Variants in RABGEF1 observed in about 807,000 individuals in gnomAD.
The protein encoded by RABGEF1 is RAB guanine nucleotide exchange factor 1, also known as rab5 GDP/GTP exchange factor.
Under a neutral mutation model 57.3 loss-of-function variants are expected in RABGEF1, and 26 were observed. The observed-to-expected ratio is 0.45, with a 90% CI of 0.33 to 0.63. The LOEUF (loss-of-function observed/expected upper bound fraction) is 0.63, where lower values mean the gene tolerates loss of function less well. RABGEF1 is among the 20% of genes least tolerant of loss of function. RABGEF1 has a pLI of 0.02. For synonymous variants in RABGEF1, 185 were observed against 210.7 expected (o/e 0.88, Z 1.06); for missense variants, 464 against 607.6 (o/e 0.76, Z 2.48).
At chr7:66,795,732 G>C (rs1813873257) in intron 5 of RABGEF1, 140 bp downstream of exon 5, 1 of 773,770 alleles carries the variant, frequency 1.3e-6, no homozygotes, top group African/African-American at 1.7e-5. Flanking sequence ...CTGGGAACTG[G>C]TCTTATACTT....
chr7:66,760,736 C>A (rs1376326198), intron 1 of RABGEF1, among the ~76,000 whole-genome samples: 2 of 151,622 alleles, frequency 1.3e-5, no homozygotes, highest in African/African-American at 4.8e-5. Flanking sequence ...GCCACCGCAC[C>A]CAGCCAGCAT....
At chr7:66,735,940 AT>A (rs1256791297), upstream of RABGEF1, among the ~76,000 whole-genome samples, 19 of 152,246 alleles carry the variant, frequency 1.2e-4, no homozygotes, top group African/African-American at 4.6e-4. Flanking sequence ...AGAACTAGAT[AT>A]AGACATCAGA....
chr7:66,775,199 G>C, intron 2 of RABGEF1, 28 bp from the exon 3 acceptor site: 1 of 1,591,012 alleles, frequency 6.3e-7, no homozygotes, highest in Non-Finnish European at 8.5e-7. Context: ...GAATATCTAG[G>C]TCATTCTAAT....
chr7:66,738,487 T>G (rs1198403232), upstream of RABGEF1, among the ~76,000 whole-genome samples: 2 of 152,052 alleles, frequency 1.3e-5, no homozygotes, highest in African/African-American at 4.8e-5. Flanking sequence ...CCCAGCACTT[T>G]TGGAGGCCGG....
chr7:66,664,491 G>T, the RABGEF1 span, among the ~76,000 whole-genome samples: 1 of 151,936 alleles, frequency 6.6e-6, no homozygotes, highest in Non-Finnish European at 1.5e-5. Flanking sequence ...TACTCAGGAG[G>T]CTGAGGTGGG....
intron 3 of RABGEF1, among the ~76,000 whole-genome samples, chr7:66,782,764 C>T (rs761666343): frequency 9.2e-5 from 14 of 151,432 alleles, no homozygotes; most frequent in East Asian, 1.9e-4. Context: ...CCAGCCTGGG[C>T]GACAGAGCAA....
chr7:66,660,463 A>G, the RABGEF1 span, among the ~76,000 whole-genome samples: 1 of 152,226 alleles, frequency 6.6e-6, no homozygotes, highest in Admixed American at 6.5e-5. Context: ...TTGAATAACC[A>G]AATGAAATGG....
chr7:66,746,834 C>T (rs1200986148), intron 1 of RABGEF1, among the ~76,000 whole-genome samples: 3 of 151,820 alleles, frequency 2.0e-5, no homozygotes, highest in Admixed American at 6.6e-5. Flanking sequence ...GCCTTGTTGC[C>T]CAGGCTGGAG....
the RABGEF1 span, among the ~76,000 whole-genome samples, chr7:66,663,979 T>G: frequency 6.9e-6 from 1 of 144,360 alleles, no homozygotes. Context: ...GAAGCTGAGG[T>G]GGGAGAATTG....
chr7:66,720,353 A>T (rs910455745), intron 2 of RABGEF1, among the ~76,000 whole-genome samples: 9 of 151,404 alleles, frequency 5.9e-5, no homozygotes, highest in African/African-American at 2.2e-4. Context: ...ATGCACCACC[A>T]CGCCCAACTA....
At chr7:66,737,093 C>CAA (rs1554311505), upstream of RABGEF1, among the ~76,000 whole-genome samples, 5 of 127,292 alleles carry the variant, frequency 3.9e-5, no homozygotes, top group African/African-American at 1.2e-4. Context: ...AGAGCGAGAG[C>CAA]GAGAGAGAGA....
intron 2 of RABGEF1, among the ~76,000 whole-genome samples, chr7:66,723,131 G>A (rs1374585882): frequency 6.6e-6 from 1 of 152,034 alleles, no homozygotes; most frequent in Non-Finnish European, 1.5e-5. Context: ...GCCACGCCCG[G>A]CTAGTTTTTG....
chr7:66,767,163 C>A (rs1805957535), intron 1 of RABGEF1, among the ~76,000 whole-genome samples: 1 of 151,982 alleles, frequency 6.6e-6, no homozygotes, highest in African/African-American at 2.4e-5. Context: ...CCACCATGCT[C>A]AGCTAATTTT....
chr7:66,658,798 C>T, the RABGEF1 span, among the ~76,000 whole-genome samples: 6 of 152,078 alleles, frequency 3.9e-5, no homozygotes, highest in Non-Finnish European at 5.9e-5. Context: ...TGCAGTGGCG[C>T]GATCTTGGCT....
At chr7:66,802,243 T>C (rs889258937) in intron 7 of RABGEF1, among the ~76,000 whole-genome samples, 3 of 152,196 alleles carry the variant, frequency 2.0e-5, no homozygotes, top group Non-Finnish European at 4.4e-5. Context: ...TAACACCTAG[T>C]GGGTAGAGGC....
At chr7:66,754,735 T>A in intron 1 of RABGEF1, among the ~76,000 whole-genome samples, 1 of 152,226 alleles carries the variant, frequency 6.6e-6, no homozygotes, top group Non-Finnish European at 1.5e-5. Flanking sequence ...TCTGAATAAA[T>A]ACATTTCACG....
At chr7:66,757,780 T>G (rs1803136782) in intron 1 of RABGEF1, among the ~76,000 whole-genome samples, 1 of 152,132 alleles carries the variant, frequency 6.6e-6, no homozygotes, top group African/African-American at 2.4e-5. Context: ...CCCGGCTAAC[T>G]TTTTGTATTT....
chr7:66,756,293 T>A (rs1024575398), intron 1 of RABGEF1, among the ~76,000 whole-genome samples: 4 of 152,232 alleles, frequency 2.6e-5, no homozygotes, highest in African/African-American at 9.6e-5. Flanking sequence ...GCTATGCTTA[T>A]GAGGTTATGG....
At chr7:66,677,262 C>T (rs1789338500), upstream of RABGEF1, among the ~76,000 whole-genome samples, 1 of 151,998 alleles carries the variant, frequency 6.6e-6, no homozygotes, top group South Asian at 2.1e-4. Flanking sequence ...TGATAAAGGC[C>T]ACGCCTGAAA....
Sources: allele counts gnomAD v4.1 joint callset (sites outside exome capture counted in the v4.1 genomes callset), GRCh38; gene constraint gnomAD v4.1.1; transcripts MANE v1.5; gene names NCBI Gene and HGNC (gene_info 2026-07-23, HGNC 2026-07-21).